Variants in RYR3 observed in about 807,000 individuals in gnomAD.
The protein encoded by RYR3 is brain ryanodine receptor-calcium release channel.
A neutral mutation model predicts 584.3 loss-of-function variants in RYR3; 207 were observed. That is an observed-to-expected ratio of 0.35 (90% CI 0.32 to 0.40). RYR3 has a LOEUF of 0.40. RYR3 is among the 10% of genes least tolerant of loss of function. RYR3 has a pLI of 1.00. For missense variants in RYR3, 5,616 were observed against 6,089.2 expected, an observed-to-expected ratio of 0.92 and a Z score of 2.59; for synonymous variants, 2,416 against 2,248.5, an observed-to-expected ratio of 1.07 and a Z score of -2.11.
chr15:33,580,293 C>T, intron 13 of RYR3, 149 bp downstream of exon 13: 2 of 681,074 alleles, frequency 2.9e-6, no homozygotes, highest in Non-Finnish European at 4.8e-6. Context: ...AATTGGAAGC[C>T]AACCTTCCCT....
At chr15:33,369,942 C>A (rs1206710654) in intron 1 of RYR3, among the ~76,000 whole-genome samples, 5 of 152,182 alleles carry the variant, frequency 3.3e-5, no homozygotes, top group Non-Finnish European at 7.3e-5. Flanking sequence ...AAACATTCAT[C>A]CCATACCTAA....
chr15:33,729,435 C>T (rs1452637636), intron 47 of RYR3, among the ~76,000 whole-genome samples: 1 of 152,030 alleles, frequency 6.6e-6, no homozygotes, highest in Non-Finnish European at 1.5e-5. Context: ...CTGGTGAGAC[C>T]GTGTCTCTAT....
intron 67 of RYR3, among the ~76,000 whole-genome samples, chr15:33,791,145 G>A (rs1335282567): frequency 6.6e-6 from 1 of 152,212 alleles, no homozygotes; most frequent in African/African-American, 2.4e-5. Flanking sequence ...AGAGAAATGG[G>A]ACGCTAGCTA....
chr15:33,603,153 G>C lies in RYR3; in HGVS notation c.1953G>C (p.Ala651=), dbSNP rs763470148. The C allele has an allele frequency of 4.6e-5, 75 of 1,613,664 alleles. No homozygotes were observed. Among genetic ancestry groups the C allele is most frequent in the African/African-American group, 1.3e-5 (1 of 74,876 alleles). ...SIRPNIFLGV[A]EGSAQYKKWY... ...GGCCAAACATCTTCCTGGGAGTCGC[G>C]GAGGGCTCAGCCCAGTACAAGAAGT... Residue 651 remains alanine, a synonymous_variant, in exon 18 of 104, where the codon GCG becomes GCC. Transcript: ENST00000634891.
At chr15:33,484,428 AGGGAAT>A (rs954107319) in intron 2 of RYR3, among the ~76,000 whole-genome samples, 3 of 152,230 alleles carry the variant, frequency 2.0e-5, no homozygotes, top group African/African-American at 7.2e-5. Context: ...ACTACTAGAG[AGGGAAT>A]TAAATTGAGT....
intron 3 of RYR3, among the ~76,000 whole-genome samples, chr15:33,518,869 A>G (rs917734645): frequency 6.6e-6 from 1 of 152,234 alleles, no homozygotes; most frequent in Non-Finnish European, 1.5e-5. Flanking sequence ...AGTCCTGCAG[A>G]TACAGAGAGA....
intron 9 of RYR3, among the ~76,000 whole-genome samples, chr15:33,549,581 T>C (rs1202025815): frequency 6.6e-6 from 1 of 152,248 alleles, no homozygotes; most frequent in Non-Finnish European, 1.5e-5. Context: ...GAGGACAGTA[T>C]TCAATATGAG....
chr15:33,851,936 T>C (rs2152996281), intron 94 of RYR3: 1 of 152,194 alleles, frequency 6.6e-6, no homozygotes, highest in Non-Finnish European at 1.5e-5. Flanking sequence ...GTTTACTCTG[T>C]AACACCAGCA....
At chr15:33,679,478 T>G (rs1396868625) in intron 38 of RYR3, among the ~76,000 whole-genome samples, 10 of 152,214 alleles carry the variant, frequency 6.6e-5, no homozygotes, top group Non-Finnish European at 1.3e-4. Flanking sequence ...TTCTTGATGC[T>G]CATTAATTTA....
intron 1 of RYR3, among the ~76,000 whole-genome samples, chr15:33,450,672 T>C (rs1213304070): frequency 1.3e-5 from 2 of 152,048 alleles, no homozygotes; most frequent in Non-Finnish European, 2.9e-5. Flanking sequence ...CTGCACACCT[T>C]GCAGCATCCT....
chr15:33,633,163 G>A (rs2291732), intron 24 of RYR3, 55 bp downstream of exon 24: 1,312,859 of 1,583,824 alleles, frequency 0.83, 546,236 homozygotes, highest in Non-Finnish European at 0.85. Flanking sequence ...GATCATCCAC[G>A]TGCCGTTTTG....
intron 1 of RYR3, among the ~76,000 whole-genome samples, chr15:33,320,441 C>T (rs1595704269): frequency 6.6e-6 from 1 of 152,164 alleles, no homozygotes; most frequent in African/African-American, 2.4e-5. Context: ...CTCCACCCAG[C>T]CTTAAACAAG....
At chr15:33,530,752 G>C (rs2217806) in intron 4 of RYR3, 86 bp downstream of exon 4, 4 of 957,378 alleles carry the variant, frequency 4.2e-6, no homozygotes, top group Non-Finnish European at 6.7e-6. Context: ...CAATAACAAC[G>C]TAACAGCAGG....
chr15:33,454,523 C>T (rs1184699161), intron 1 of RYR3, among the ~76,000 whole-genome samples: 1 of 152,154 alleles, frequency 6.6e-6, no homozygotes, highest in Non-Finnish European at 1.5e-5. Flanking sequence ...GCCTTATCCT[C>T]GGCACGGAGA....
At chr15:33,425,110 G>A (rs1218334583) in intron 1 of RYR3, among the ~76,000 whole-genome samples, 1 of 152,150 alleles carries the variant, frequency 6.6e-6, no homozygotes, top group Non-Finnish European at 1.5e-5. Flanking sequence ...AGTGCACCAT[G>A]GATGAATCCT....
chr15:33,449,438 A>G (rs74005629), intron 1 of RYR3, among the ~76,000 whole-genome samples: 30 of 152,322 alleles, frequency 2.0e-4, no homozygotes, highest in African/African-American at 7.2e-4. Context: ...GAATCAAGCC[A>G]CTAGGTCCAG....
intron 10 of RYR3, among the ~76,000 whole-genome samples, chr15:33,558,020 A>T (rs2057181192): frequency 6.6e-6 from 1 of 152,184 alleles, no homozygotes; most frequent in African/African-American, 2.4e-5. Flanking sequence ...ACAATAAATG[A>T]TTTGCAACCA....
chr15:33,377,277 G>T (rs1213472027), intron 1 of RYR3, among the ~76,000 whole-genome samples: 1 of 152,116 alleles, frequency 6.6e-6, no homozygotes, highest in African/African-American at 2.4e-5. Context: ...GGCTCTTCTG[G>T]GCAGCTCTTC....
intron 85 of RYR3, among the ~76,000 whole-genome samples, chr15:33,829,350 CAT>C (rs2077543442): frequency 1.3e-5 from 2 of 152,054 alleles, no homozygotes; most frequent in Admixed American, 6.6e-5. Context: ...TTAAGAAATG[CAT>C]TTCGTAAGGC....
Sources: allele counts gnomAD v4.1 joint callset (sites outside exome capture counted in the v4.1 genomes callset), GRCh38; gene constraint gnomAD v4.1.1; transcripts MANE v1.5; gene names NCBI Gene and HGNC (gene_info 2026-07-23, HGNC 2026-07-21).